Variants in CCNH observed in about 807,000 individuals in gnomAD.
The protein encoded by CCNH is cyclin-H.
In CCNH, 31 loss-of-function variants were observed where a neutral mutation model predicts 41.9. That is an observed-to-expected ratio of 0.74 (90% confidence interval 0.56 to 1.00). The LOEUF (loss-of-function observed/expected upper bound fraction) is 1.00, where lower values mean the gene tolerates loss of function less well. Ranked by LOEUF, CCNH falls within the 50% of genes least tolerant of loss-of-function variation. The pLI is 0.00. For missense variants in CCNH, 362 were observed against 388.4 expected, an observed-to-expected ratio of 0.93 and a Z score of 0.57; for synonymous variants, 138 against 136.1, an observed-to-expected ratio of 1.01 and a Z score of -0.10.
chr5:87,373,724 A>T (rs1353583838), downstream of CCNH, among the ~76,000 whole-genome samples: 1 of 152,134 alleles, frequency 6.6e-6, no homozygotes, highest in Non-Finnish European at 1.5e-5. Flanking sequence ...TGTTTTAAAA[A>T]TTTTTAGCTG....
At chr5:87,345,769 A>T (rs1419573972) in intron 9 of CCNH, among the ~76,000 whole-genome samples, 1 of 152,184 alleles carries the variant, frequency 6.6e-6, no homozygotes, top group African/African-American at 2.4e-5. Context: ...TATATATTTT[A>T]GTCGTATATT....
At chr5:87,368,955 A>C (rs1760728654) in intron 9 of CCNH, among the ~76,000 whole-genome samples, 1 of 152,222 alleles carries the variant, frequency 6.6e-6, no homozygotes, top group African/African-American at 2.4e-5. Context: ...GGCAACATTT[A>C]GGATTAGAAG....
At chr5:87,332,238 G>A (rs1175921944) in intron 9 of CCNH, among the ~76,000 whole-genome samples, 1 of 152,014 alleles carries the variant, frequency 6.6e-6, no homozygotes, top group Admixed American at 6.6e-5. Flanking sequence ...GTATCTGAGG[G>A]TGAGTTTTCA....
chr5:87,338,898 C>G (rs544247007), intron 9 of CCNH, among the ~76,000 whole-genome samples: 1 of 151,642 alleles, frequency 6.6e-6, no homozygotes, highest in Admixed American at 6.6e-5. Flanking sequence ...TTTTTGTTTC[C>G]ATCATATAAT....
At chr5:87,362,114 G>A (rs934148233) in intron 9 of CCNH, among the ~76,000 whole-genome samples, 1 of 152,168 alleles carries the variant, frequency 6.6e-6, no homozygotes, top group Non-Finnish European at 1.5e-5. Context: ...CACCTGGTAC[G>A]GTTGTCTGTA....
chr5:87,356,741 C>T (rs553606153), intron 9 of CCNH, among the ~76,000 whole-genome samples: 4 of 152,136 alleles, frequency 2.6e-5, no homozygotes, highest in Non-Finnish European at 4.4e-5. Context: ...TGCTATTACA[C>T]ACTTAGTAGA....
At chr5:87,343,989 C>A (rs1758662797) in intron 9 of CCNH, among the ~76,000 whole-genome samples, 1 of 152,100 alleles carries the variant, frequency 6.6e-6, no homozygotes, top group Non-Finnish European at 1.5e-5. Context: ...ACCATGTGTT[C>A]TCACTCATAT....
chr5:87,359,222 C>T (rs561427426), intron 9 of CCNH, among the ~76,000 whole-genome samples: 23 of 152,258 alleles, frequency 1.5e-4, no homozygotes, highest in Non-Finnish European at 2.8e-4. Context: ...CAAGTTAAGT[C>T]TGTCTTCAGG....
intron 7 of CCNH, among the ~76,000 whole-genome samples, chr5:87,396,450 G>A (rs904588575): frequency 3.9e-5 from 6 of 151,954 alleles, no homozygotes; most frequent in Non-Finnish European, 5.9e-5. Flanking sequence ...GTAAAATCCC[G>A]TCTCTACTAA....
intron 1 of CCNH, chr5:87,412,403 C>A: frequency 8.2e-7 from 1 of 1,218,724 alleles, no homozygotes; most frequent in South Asian, 2.3e-5. Context: ...GTGAACGGCT[C>A]TTGCCACGCA....
At chr5:87,406,416 T>G (rs1244314141) in intron 4 of CCNH, among the ~76,000 whole-genome samples, 1 of 152,158 alleles carries the variant, frequency 6.6e-6, no homozygotes, top group African/African-American at 2.4e-5. Flanking sequence ...TGGGGGTTCT[T>G]CCTCTGTCTT....
At chr5:87,389,340 C>CAAA, downstream of CCNH, 1 of 1,581,146 alleles carries the variant, frequency 6.3e-7, no homozygotes, top group African/African-American at 1.4e-5. Flanking sequence ...TCAAAAAAAA[C>CAAA]AAAAAAAAAG....
At chr5:87,407,046 C>A (rs1471351765) in intron 4 of CCNH, among the ~76,000 whole-genome samples, 3 of 152,166 alleles carry the variant, frequency 2.0e-5, no homozygotes, top group Non-Finnish European at 4.4e-5. Context: ...ATCTCTTCCC[C>A]CTGCATTGCT....
chr5:87,322,357 G>A (rs555284908), intron 9 of CCNH, among the ~76,000 whole-genome samples: 25 of 152,298 alleles, frequency 1.6e-4, no homozygotes, highest in African/African-American at 6.0e-4. Context: ...AACTCCTCAC[G>A]TGAGGGATAT....
chr5:87,343,338 T>A (rs966570104), intron 9 of CCNH, among the ~76,000 whole-genome samples: 3 of 152,204 alleles, frequency 2.0e-5, no homozygotes, highest in African/African-American at 7.2e-5. Context: ...GGATTTGATA[T>A]AACAGTAACC....
chr5:87,317,781 G>A (rs779681887), downstream of CCNH, among the ~76,000 whole-genome samples: 25 of 151,756 alleles, frequency 1.6e-4, no homozygotes, highest in South Asian at 1.5e-3. Flanking sequence ...GATTACAGGC[G>A]CATACCACCA....
intron 9 of CCNH, among the ~76,000 whole-genome samples, chr5:87,322,377 G>A (rs1195043667): frequency 6.6e-6 from 1 of 152,208 alleles, no homozygotes; most frequent in Admixed American, 6.5e-5. Context: ...TAGGTTGTGT[G>A]CTCCTTATGA....
At position 87,323,229 on chromosome 5, in the gene CCNH, T is replaced by A. The variant is rs148580108; in HGVS notation, c.*91-4332A>T. Among the ~76,000 whole-genome samples, 228 of 152,296 alleles carry A rather than the reference T, an allele frequency of 1.5e-3. 2 individuals are homozygous for A. Among genetic ancestry groups the A allele is most frequent in the African/African-American group, 5.2e-3 (216 of 41,564 alleles). On this transcript the variant is annotated intron_variant and NMD_transcript_variant, in intron 9 of 9. Coordinates refer to the CCNH transcript ENST00000645953. ...GTGTAATATTTCACCCTTATTTTTT[T>A]AAAAAAGTTAAATAGGAGAAACACT...
At chr5:87,330,278 T>C (rs1006615011) in intron 9 of CCNH, among the ~76,000 whole-genome samples, 2 of 152,096 alleles carry the variant, frequency 1.3e-5, no homozygotes, top group Non-Finnish European at 2.9e-5. Context: ...CTTACAAAAA[T>C]AGTCATAGTA....
Sources: allele counts gnomAD v4.1 joint callset (sites outside exome capture counted in the v4.1 genomes callset), GRCh38; gene constraint gnomAD v4.1.1; transcripts MANE v1.5; gene names NCBI Gene and HGNC (gene_info 2026-07-23, HGNC 2026-07-21).